ZNF320: variants seen among roughly 807,000 people sequenced by gnomAD.
ZNF320 encodes the protein zinc finger gene 320.
In ZNF320, 2 loss-of-function variants were observed where a neutral mutation model predicts 6.8. The ratio of observed to expected loss-of-function variants is 0.29; its 90% confidence interval spans 0.12 to 0.93. The LOEUF (loss-of-function observed/expected upper bound fraction) is 0.93, where lower values mean the gene tolerates loss of function less well. ZNF320 is among the 40% of genes least tolerant of loss of function. The pLI, the probability that ZNF320 is intolerant of heterozygous loss-of-function variation, is 0.55. For missense variants in ZNF320, 472 were observed against 611.0 expected, an observed-to-expected ratio of 0.77 and a Z score of 2.40; for synonymous variants, 208 against 203.2, an observed-to-expected ratio of 1.02 and a Z score of -0.20.
chr19:52,888,900 GT>G (rs2064194237), intron 4 of ZNF320, among the ~76,000 whole-genome samples: 1 of 152,124 alleles, frequency 6.6e-6, no homozygotes, highest in African/African-American at 2.4e-5. Context: ...AAAGTAGCAA[GT>G]TTTGCAGGGC....
chr19:52,903,526 G>A, the ZNF320 span, among the ~76,000 whole-genome samples: 574 of 152,182 alleles, frequency 3.8e-3, 3 homozygotes, highest in African/African-American at 0.013. Context: ...TTTGAAACTA[G>A]GGACCCATCC....
downstream of ZNF320, among the ~76,000 whole-genome samples, chr19:52,859,781 T>G (rs900592975): frequency 6.6e-6 from 1 of 152,142 alleles, no homozygotes; most frequent in Non-Finnish European, 1.5e-5. Flanking sequence ...TGGGTAGTCT[T>G]CCTACTTACA....
chr19:52,889,174 C>T (rs984256208), intron 4 of ZNF320, among the ~76,000 whole-genome samples: 3 of 149,966 alleles, frequency 2.0e-5, no homozygotes, highest in Non-Finnish European at 3.0e-5. Flanking sequence ...CAGAGTGACA[C>T]TCCGTCTCAA....
At chr19:52,875,219 T>G (rs117424060), downstream of ZNF320, among the ~76,000 whole-genome samples, 1,193 of 152,284 alleles carry the variant, frequency 7.8e-3, 10 homozygotes, top group Non-Finnish European at 0.012. Flanking sequence ...ATCTGAGACA[T>G]GTAGGACTGT....
intron 1 of ZNF320, among the ~76,000 whole-genome samples, chr19:52,896,287 C>T (rs1437754122): frequency 6.6e-6 from 1 of 152,140 alleles, no homozygotes; most frequent in Non-Finnish European, 1.5e-5. Context: ...CACGAGATTT[C>T]GCCATGTTGA....
chr19:52,859,582 G>A (rs1000568923), downstream of ZNF320, among the ~76,000 whole-genome samples: 3 of 152,184 alleles, frequency 2.0e-5, no homozygotes, highest in East Asian at 3.9e-4. Context: ...GTGTTCCCAT[G>A]TAGAGATGTT....
At chr19:52,889,888 C>T (rs1385045838) in intron 4 of ZNF320, among the ~76,000 whole-genome samples, 1 of 152,134 alleles carries the variant, frequency 6.6e-6, no homozygotes, top group Non-Finnish European at 1.5e-5. Flanking sequence ...CTTCCATTGG[C>T]AGCTGCTCTA....
chr19:52,901,642 A>C (rs551856843), upstream of ZNF320, among the ~76,000 whole-genome samples: 1 of 152,258 alleles, frequency 6.6e-6, no homozygotes, highest in African/African-American at 2.4e-5. Context: ...GCAAACTTCA[A>C]TGGTTATGTG....
At chr19:52,888,686 T>G (rs959835928) in intron 4 of ZNF320, among the ~76,000 whole-genome samples, 19 of 151,904 alleles carry the variant, frequency 1.3e-4, no homozygotes, top group Admixed American at 6.6e-4. Flanking sequence ...ATCCATTTTG[T>G]AAATGTTCAC....
chr19:52,867,207 T>C (rs2147775194), intron 5 of ZNF320, among the ~76,000 whole-genome samples: 1 of 152,232 alleles, frequency 6.6e-6, no homozygotes, highest in East Asian at 1.9e-4. Context: ...TATTTATGTA[T>C]TTATTTTTTG....
chr19:52,889,634 C>T (rs1003252875), intron 4 of ZNF320, among the ~76,000 whole-genome samples: 2 of 152,146 alleles, frequency 1.3e-5, no homozygotes, highest in Admixed American at 6.6e-5. Flanking sequence ...TAAGAATGGT[C>T]TAACGAATCT....
chr19:52,887,999 G>A (rs1260547418), intron 5 of ZNF320, 128 bp downstream of exon 5: 13 of 1,447,830 alleles, frequency 9.0e-6, no homozygotes, highest in Non-Finnish European at 1.2e-5. Context: ...ACATCATGAA[G>A]CTTTTCATTT....
chr19:52,882,523 T>C (rs1176420286), intron 5 of ZNF320, among the ~76,000 whole-genome samples: 1 of 152,188 alleles, frequency 6.6e-6, no homozygotes, highest in East Asian at 1.9e-4. Context: ...TAGCCCACCC[T>C]GTCGTCCCAG....
chr19:52,898,673 C>T (rs2064541820), upstream of ZNF320, among the ~76,000 whole-genome samples: 1 of 152,140 alleles, frequency 6.6e-6, no homozygotes, highest in African/African-American at 2.4e-5. Flanking sequence ...GTTCACAACA[C>T]TAAAGATTTC....
intron 5 of ZNF320, chr19:52,865,434 TTA>T (rs1555814106): frequency 1.1e-3 from 172 of 153,064 alleles, no homozygotes; most frequent in Middle Eastern, 2.9e-3. Context: ...GGTCCAGGCT[TTA>T]TATATATATA....
At chr19:52,885,301 C>T (rs62117506) in intron 5 of ZNF320, among the ~76,000 whole-genome samples, 28,198 of 152,114 alleles carry the variant, frequency 0.19, 3,382 homozygotes, top group Non-Finnish European at 0.25. Flanking sequence ...AACGGGTAGG[C>T]TGGGCATGGT....
Position 52,881,039 on chromosome 19 carries a change from C to A in ZNF320, c.1087G>T (p.Asp363Tyr), listed in dbSNP as rs1352745439. 9 of 1,614,002 alleles carry A rather than the reference C, an allele frequency of 5.6e-6. No individual in the cohort carries two copies. The highest frequency in any genetic ancestry group is 7.6e-6 in the Non-Finnish European group (9 of 1,180,034). ...CGTGAATCACTCCGGAAAGCCTTGTCACAAACCTTACATTTGTATGGTTTC... is the reference window on the plus strand; with the variant it reads ...CGTGAATCACTCCGGAAAGCCTTGTAACAAACCTTACATTTGTATGGTTTC... The part of the protein sequence containing the change: ...GEKPYKCKVC[D>Y]KAFRSDSRLA... Residue 363 changes from aspartate (D) to tyrosine (Y), a missense_variant, in exon 6 of 6, where the codon GAC becomes TAC. Asp to Tyr is a radical substitution (Grantham distance 160). Around this residue, in one of 2 missense-constraint regions of ZNF320, gnomAD observed 462 missense variants for 559.7 expected, o/e 0.83. Transcript: ENST00000682928.
intron 5 of ZNF320, among the ~76,000 whole-genome samples, chr19:52,884,040 A>C (rs1461351526): frequency 6.6e-6 from 1 of 152,180 alleles, no homozygotes; most frequent in Non-Finnish European, 1.5e-5. Context: ...GGACTAGTGC[A>C]TTTATAGAGA....
intron 5 of ZNF320, among the ~76,000 whole-genome samples, chr19:52,868,458 A>G (rs1272162396): frequency 6.6e-6 from 1 of 151,394 alleles, no homozygotes; most frequent in African/African-American, 2.4e-5. Context: ...GTGAGCTCGG[A>G]TTGCGCCACT....
Sources: allele counts gnomAD v4.1 joint callset (sites outside exome capture counted in the v4.1 genomes callset), GRCh38; gene constraint gnomAD v4.1.1; regional missense constraint gnomAD v4.1.1; transcripts MANE v1.5; gene names NCBI Gene and HGNC (gene_info 2026-07-23, HGNC 2026-07-21).